RUSC2: variants seen among roughly 807,000 people sequenced by gnomAD.
RUSC2 encodes RUN and SH3 domain containing 2.
Under a neutral mutation model 122.2 loss-of-function variants are expected in RUSC2, and 34 were observed. The observed-to-expected ratio is 0.28, with a 90% CI of 0.21 to 0.37. The LOEUF is 0.37. RUSC2 is among the 10% of genes least tolerant of loss of function. RUSC2 has a pLI of 1.00. For synonymous variants in RUSC2, 784 were observed against 790.0 expected (o/e 0.99, Z 0.13); for missense variants, 1,747 against 1,952.4 (o/e 0.89, Z 1.98).
intron 1 of RUSC2, among the ~76,000 whole-genome samples, chr9:35,490,935 C>T (rs147015570): frequency 6.8e-4 from 104 of 152,262 alleles, no homozygotes; most frequent in Admixed American, 2.2e-3. Context: ...CGGTGCCTGG[C>T]ACATGGTAGT....
chr9:35,516,610 C>T (rs1433465149), intron 1 of RUSC2, among the ~76,000 whole-genome samples: 1 of 152,172 alleles, frequency 6.6e-6, no homozygotes, highest in Admixed American at 6.5e-5. Context: ...CTGTCAGCTC[C>T]AATACAAATA....
chr9:35,495,455 C>G (rs1820691903), intron 1 of RUSC2, among the ~76,000 whole-genome samples: 1 of 150,828 alleles, frequency 6.6e-6, no homozygotes, highest in Non-Finnish European at 1.5e-5. Context: ...GTATTCACAC[C>G]CTTGTCAAAA....
intron 1 of RUSC2, among the ~76,000 whole-genome samples, chr9:35,532,898 A>G (rs1407239403): frequency 6.6e-6 from 1 of 152,154 alleles, no homozygotes; most frequent in Non-Finnish European, 1.5e-5. Context: ...GGTGGTTAAG[A>G]AACAATGAAG....
At chr9:35,511,034 A>G (rs1279519682) in intron 1 of RUSC2, among the ~76,000 whole-genome samples, 1 of 152,168 alleles carries the variant, frequency 6.6e-6, no homozygotes, top group Non-Finnish European at 1.5e-5. Flanking sequence ...GGAAATTCCA[A>G]ACACTTTTCC....
chr9:35,504,047 T>C (rs1587837380), intron 1 of RUSC2, among the ~76,000 whole-genome samples: 1 of 152,210 alleles, frequency 6.6e-6, no homozygotes, highest in Admixed American at 6.5e-5. Flanking sequence ...AGTGTTAGGT[T>C]TACAGGCGTG....
Position 35,555,330 on chromosome 9 carries a change from C to T in RUSC2, c.2285C>T (p.Ala762Val). ...ASTPRATGRG[A>V]RKAGSEPETS... ...ACTCCCCGAGCCACTGGCAGAGGTG[C>T]CAGGAAAGCTGGGTCTGAGCCAGAG... The change falls in exon 3 of 12, where the codon GCC becomes GTC. Residue 762 changes from alanine to valine, a missense_variant. Physicochemically the swap from Ala to Val is moderately conservative, Grantham distance 64 (BLOSUM62 0). Coordinates refer to ENST00000361226, the MANE Select transcript of RUSC2 (RefSeq NM_014806.5). The surrounding 1 kb of genome is among the most constrained non-coding windows in gnomAD (Gnocchi z 4.6). 1 of 1,614,214 alleles carries T rather than the reference C, an allele frequency of 6.2e-7. No homozygotes were observed. The highest frequency in any genetic ancestry group is 1.1e-5 in the South Asian group (1 of 91,088).
Position 35,561,325 on chromosome 9 carries a change from G to A in RUSC2, c.4494G>A (p.Leu1498=), listed in dbSNP as rs1375928911. Residue 1498 remains leucine (L), a synonymous_variant, in exon 12 of 12, where the codon CTG becomes CTA. Transcript: ENST00000361226. ...GCCCCGACTCTGGCCTGGTGCCCCTGGCCTACGTGACATTGACCCCAACTC... is the reference window on the plus strand; with the variant it reads ...GCCCCGACTCTGGCCTGGTGCCCCTAGCCTACGTGACATTGACCCCAACTC... ...SRGPDSGLVP[L]AYVTLTPTPS... The A allele has an allele frequency of 6.2e-7, 1 of 1,613,992 alleles. No homozygotes were observed. Among genetic ancestry groups the A allele is most frequent in the Admixed American group, 1.7e-5 (1 of 59,996 alleles).
At chr9:35,525,082 C>A (rs1036557564) in intron 1 of RUSC2, among the ~76,000 whole-genome samples, 1 of 152,076 alleles carries the variant, frequency 6.6e-6, no homozygotes, top group African/African-American at 2.4e-5. Context: ...GCAAACTTGT[C>A]TGGTGGGCAG....
At position 35,555,253 on chromosome 9, in the gene RUSC2, C is replaced by A. The variant is rs780951878; in HGVS notation, c.2208C>A (p.Ala736=). ...SRTQQPAPLA[A]PAAQVSVPAP... The stretch of plus-strand genomic sequence containing the variant: ...CACAGCAGCCTGCCCCACTGGCTGC[C>A]CCTGCTGCTCAAGTCTCAGTCCCAG... The change falls in exon 3 of 12, where the codon GCC becomes GCA. Residue 736 remains alanine (A), a synonymous_variant. Coordinates refer to ENST00000361226, the MANE Select transcript of RUSC2 (RefSeq NM_014806.5). This position sits in a 1 kb window ranked among gnomAD's most constrained non-coding sequence, Gnocchi z 4.6. 14 of 1,613,302 alleles carry A rather than the reference C, an allele frequency of 8.7e-6. No homozygotes were observed. In the South Asian group the frequency reaches 1.4e-4, roughly 16 times the overall value.
rs2131695071 is a variant in RUSC2, at chr9:35,555,334, G to A, written c.2289G>A (p.Arg763=). 1.2e-6 allele frequency: 2 copies of A among 1,614,218 alleles called. No homozygotes were observed. The highest frequency in any genetic ancestry group is 4.5e-5 in the East Asian group (2 of 44,888). ...CCCGAGCCACTGGCAGAGGTGCCAG[G>A]AAAGCTGGGTCTGAGCCAGAGACCT... ...STPRATGRGA[R]KAGSEPETSR... Residue 763 remains arginine, a synonymous_variant, in exon 3 of 12, where the codon AGG becomes AGA. Coordinates refer to ENST00000361226, the MANE Select transcript of RUSC2 (RefSeq NM_014806.5). This position sits in a 1 kb window ranked among gnomAD's most constrained non-coding sequence, Gnocchi z 4.6.
chr9:35,532,694 C>A (rs1821444236), intron 1 of RUSC2, among the ~76,000 whole-genome samples: 1 of 150,922 alleles, frequency 6.6e-6, no homozygotes, highest in Non-Finnish European at 1.5e-5. Flanking sequence ...TACAGTGAGC[C>A]AAGATCAGCC....
At chr9:35,540,205 C>T (rs563696226) in intron 1 of RUSC2, among the ~76,000 whole-genome samples, 1 of 151,898 alleles carries the variant, frequency 6.6e-6, no homozygotes, top group Non-Finnish European at 1.5e-5. Context: ...CCTGTCTCTA[C>T]AAAAAATTTA....
chr9:35,558,026 G>A lies in RUSC2; in HGVS notation c.3060+36G>A. 6.3e-7 allele frequency: 1 copy of A among 1,594,968 alleles called. No homozygotes were observed. The highest frequency in any genetic ancestry group is 1.1e-5 in the South Asian group (1 of 90,706). On this transcript the variant is annotated intron_variant, in intron 6 of 11. Transcript: ENST00000361226. This position sits in a 1 kb window ranked among gnomAD's most constrained non-coding sequence, Gnocchi z 4.3. ...AAATGTGGAGAGCTGAGCTCTGCCTGCAAGCCCTCACCTGTCCCGCGCTAC... is the reference window on the plus strand; with the variant it reads ...AAATGTGGAGAGCTGAGCTCTGCCTACAAGCCCTCACCTGTCCCGCGCTAC...
At chr9:35,549,266 AACAC>A in intron 2 of RUSC2, 2 of 947,010 alleles carry the variant, frequency 2.1e-6, no homozygotes, top group Non-Finnish European at 2.5e-6. Context: ...TAACAACAAC[AACAC>A]ACACACACTG....
chr9:35,536,935 T>G (rs1346938820), intron 1 of RUSC2, among the ~76,000 whole-genome samples: 1 of 151,848 alleles, frequency 6.6e-6, no homozygotes, highest in Non-Finnish European at 1.5e-5. Flanking sequence ...GAGTGGCATG[T>G]TGAAGAAAGG....
intron 1 of RUSC2, among the ~76,000 whole-genome samples, chr9:35,533,962 G>A (rs1160245335): frequency 6.6e-6 from 1 of 152,038 alleles, no homozygotes; most frequent in Non-Finnish European, 1.5e-5. Context: ...TTTGTTTCTC[G>A]TAGGTATATA....
intron 9 of RUSC2, 113 bp from the exon 10 acceptor site, chr9:35,559,916 T>C: frequency 2.3e-6 from 2 of 865,680 alleles, no homozygotes; most frequent in East Asian, 2.5e-5. Context: ...AGTTGACTAG[T>C]GCACAGCCTG....
intron 1 of RUSC2, among the ~76,000 whole-genome samples, chr9:35,517,649 C>G (rs1054696804): frequency 6.6e-6 from 1 of 152,098 alleles, no homozygotes; most frequent in Admixed American, 6.6e-5. Flanking sequence ...ATTCCTATTT[C>G]GTCTGTTCCT....
Position 35,547,462 on chromosome 9 carries a change from A to G in RUSC2, c.941A>G (p.His314Arg). Residue 314 changes from histidine (H) to arginine (R), a missense_variant, in exon 2 of 12, where the codon CAC (histidine) becomes CGC (arginine). By Grantham distance (29) the His-to-Arg change is conservative. Coordinates refer to ENST00000361226, the MANE Select transcript of RUSC2 (RefSeq NM_014806.5). The surrounding 1 kb of genome is among the most constrained non-coding windows in gnomAD (Gnocchi z 4.6). The part of the protein sequence containing the change: ...QSCSDSSFCS[H>R]SDPGAFYLDL... ...TGCAGCGACTCTTCCTTCTGCAGCC[A>G]CTCAGACCCTGGCGCCTTCTATCTG... 2 of 1,614,094 alleles carry G rather than the reference A, an allele frequency of 1.2e-6. No individual in the cohort carries two copies. The highest frequency in any genetic ancestry group is 1.7e-6 in the Non-Finnish European group (2 of 1,180,010).
Sources: gnomAD v4.1 joint callset for allele counts (sites outside exome capture counted in the v4.1 genomes callset) on GRCh38, gnomAD v4.1.1 for gene constraint, Gnocchi (gnomAD v3.1) non-coding constraint, MANE v1.5 for transcripts, NCBI Gene and HGNC (gene_info 2026-07-23, HGNC 2026-07-21) for gene names.